The following SMIM14 variants were observed in gnomAD, a reference collection of about 807,000 sequenced individuals.
The protein encoded by SMIM14 is chromosome 4 open reading frame 34.
SMIM14 carries 5 observed loss-of-function variants against 12.6 expected under a neutral mutation model. The observed-to-expected ratio is 0.40, with a 90% CI of 0.21 to 0.83. The LOEUF (loss-of-function observed/expected upper bound fraction) is 0.83, where lower values mean the gene tolerates loss of function less well. SMIM14 is among the 40% of genes least tolerant of loss of function. The pLI is 0.37. For synonymous variants in SMIM14, 30 were observed against 40.1 expected, an observed-to-expected ratio of 0.75 and a Z score of 0.95; for missense variants, 86 against 119.1, an observed-to-expected ratio of 0.72 and a Z score of 1.29.
At chr4:39,604,429 C>T (rs1553865432) in intron 2 of SMIM14, among the ~76,000 whole-genome samples, 2 of 150,514 alleles carry the variant, frequency 1.3e-5, no homozygotes, top group Non-Finnish European at 3.0e-5. Flanking sequence ...CCCAGTTACT[C>T]GGGAGGCTGA....
rs1367147229 is a variant in SMIM14, at chr4:39,546,843, T to G, written c.*5283A>C. ...CCAGAGCAGTGTTACTATTTTTACA[T>G]GTATATGAGTATTCATGACCTTTAA... On this transcript the variant is annotated 3_prime_UTR_variant, in exon 5 of 5. Coordinates refer to ENST00000295958, the MANE Select transcript of SMIM14 (RefSeq NM_174921.3). The G allele has an allele frequency of 1.3e-5, 2 of 152,260 alleles. No homozygotes were observed. Among genetic ancestry groups the G allele is most frequent in the Admixed American group, 6.5e-5 (1 of 15,286 alleles). The allele number at this position is 152,260 out of a possible 1,614,324, so 9.4% of individuals were successfully genotyped here. A position where few individuals can be genotyped will look rare whatever the true frequency, so the allele number is the denominator to read the frequency against.
At position 39,603,467 on chromosome 4, in the gene SMIM14, G is replaced by A. The variant is rs1299306173; in HGVS notation, c.75+1604C>T. On this transcript the variant is annotated intron_variant, in intron 2 of 4. Coordinates refer to ENST00000295958, the MANE Select transcript of SMIM14 (RefSeq NM_174921.3). Reference sequence around the variant, plus strand: ...CCAGCCACTTGGGAGGCTGAGGCAGGAGAATGGCGTGAACCTGGGAGGCGG... The same window carrying A: ...CCAGCCACTTGGGAGGCTGAGGCAGAAGAATGGCGTGAACCTGGGAGGCGG... 2.0e-5 allele frequency among the ~76,000 whole-genome samples: 3 copies of A among 152,240 alleles called. No homozygotes were observed. The South Asian group carries it at 6.2e-4, about 32-fold the overall frequency.
intron 2 of SMIM14, among the ~76,000 whole-genome samples, chr4:39,586,287 C>A (rs1713779884): frequency 6.6e-6 from 1 of 151,952 alleles, no homozygotes; most frequent in Non-Finnish European, 1.5e-5. Context: ...TATAAACAAT[C>A]AGGAGGAACC....
intron 3 of SMIM14, among the ~76,000 whole-genome samples, chr4:39,556,950 A>C (rs1330996206): frequency 1.3e-5 from 2 of 150,932 alleles, no homozygotes; most frequent in Non-Finnish European, 2.9e-5. Context: ...ACCATGCCCC[A>C]TGCACCTAAT....
chr4:39,602,855 A>G (rs1714668917), intron 2 of SMIM14, among the ~76,000 whole-genome samples: 2 of 152,234 alleles, frequency 1.3e-5, no homozygotes, highest in Non-Finnish European at 2.9e-5. Context: ...CACTATATGT[A>G]GCAACACTAA....
chr4:39,599,031 T>C (rs907952716), intron 2 of SMIM14, among the ~76,000 whole-genome samples: 3 of 152,188 alleles, frequency 2.0e-5, no homozygotes, highest in Non-Finnish European at 4.4e-5. Flanking sequence ...CGGTGAAAAA[T>C]AGCTCATCCT....
chr4:39,548,089 G>A lies in SMIM14; in HGVS notation c.*4037C>T, dbSNP rs1375087647. 2 of 151,954 alleles carry A rather than the reference G, an allele frequency of 1.3e-5. No individual in the cohort carries two copies. Among genetic ancestry groups the A allele is most frequent in the Non-Finnish European group, 2.9e-5 (2 of 68,066 alleles). The allele number at this position is 151,954 out of a possible 1,614,324, so 9.4% of individuals were successfully genotyped here. A position where few individuals can be genotyped will look rare whatever the true frequency, so the allele number is the denominator to read the frequency against. On this transcript the variant is annotated 3_prime_UTR_variant, in exon 5 of 5. Coordinates refer to ENST00000295958, the MANE Select transcript of SMIM14 (RefSeq NM_174921.3). ...CCAGGCTACTTTTGTATTTTTAGTG[G>A]AGATGGAGTTTTTCCATGTTGGCCA...
chr4:39,604,495 C>T (rs1560301196), intron 2 of SMIM14, among the ~76,000 whole-genome samples: 1 of 151,944 alleles, frequency 6.6e-6, no homozygotes, highest in Admixed American at 6.6e-5. Flanking sequence ...CGAGATAGCA[C>T]CACTACACTC....
intron 3 of SMIM14, among the ~76,000 whole-genome samples, chr4:39,568,700 T>C (rs1340307808): frequency 2.0e-5 from 3 of 152,204 alleles, no homozygotes; most frequent in African/African-American, 7.2e-5. Flanking sequence ...TGAATAGTAG[T>C]ATCTAAATAT....
intron 1 of SMIM14, among the ~76,000 whole-genome samples, chr4:39,632,689 G>A (rs1157942037): frequency 6.6e-6 from 1 of 150,724 alleles, no homozygotes; most frequent in African/African-American, 2.4e-5. Context: ...GAGGTGGGTT[G>A]GTAGCTTGAG....
chr4:39,597,597 C>G (rs879690767), intron 2 of SMIM14, among the ~76,000 whole-genome samples: 1 of 151,944 alleles, frequency 6.6e-6, no homozygotes, highest in Non-Finnish European at 1.5e-5. Context: ...GCACCTGCCA[C>G]CACACCCAGC....
At chr4:39,608,085 T>C (rs1168135624) in intron 1 of SMIM14, among the ~76,000 whole-genome samples, 1 of 152,138 alleles carries the variant, frequency 6.6e-6, no homozygotes. Flanking sequence ...GTGGCTGCTG[T>C]GGAAAATAGT....
At chr4:39,578,733 C>T (rs1489849548) in intron 2 of SMIM14, among the ~76,000 whole-genome samples, 2 of 152,042 alleles carry the variant, frequency 1.3e-5, no homozygotes, top group African/African-American at 2.4e-5. Flanking sequence ...CGGTGACTCA[C>T]GCTTGTAATC....
At chr4:39,578,569 T>G (rs560304532) in intron 2 of SMIM14, among the ~76,000 whole-genome samples, 10 of 152,302 alleles carry the variant, frequency 6.6e-5, no homozygotes, top group Non-Finnish European at 1.0e-4. Flanking sequence ...GTGGACAGTT[T>G]ACTGACAGTA....
At chr4:39,576,658 G>A (rs1235091625) in intron 2 of SMIM14, among the ~76,000 whole-genome samples, 1 of 40,420 alleles carries the variant, frequency 2.5e-5, no homozygotes, top group Non-Finnish European at 4.6e-5. Flanking sequence ...GTGTGTGTAT[G>A]TGTATATATA....
chr4:39,635,421 T>A (rs1465655641), intron 1 of SMIM14, among the ~76,000 whole-genome samples: 1 of 152,134 alleles, frequency 6.6e-6, no homozygotes, highest in Non-Finnish European at 1.5e-5. Context: ...GTAATTTACA[T>A]TTTAAAGGAT....
chr4:39,574,705 A>G (rs981829411), intron 2 of SMIM14, among the ~76,000 whole-genome samples: 2 of 152,354 alleles, frequency 1.3e-5, no homozygotes, highest in African/African-American at 4.8e-5. Flanking sequence ...GACTCAAGAA[A>G]TGTTAGCTTT....
In SMIM14 at chr4:39,628,731, TTTTTC is replaced by T. The variant is rs1715796307; in HGVS notation, c.-36+10003_-36+10007del. On this transcript the variant is annotated intron_variant, in intron 1 of 4. Transcript: ENST00000295958. ...AGGAAAATGTTTTTCTTTTTTTTTT[TTTTTC>T]TTTTTTCTTTTTTTGAGCCGGAGTC... Among the ~76,000 whole-genome samples the T allele has an allele frequency of 3.3e-5, 5 of 149,890 alleles. No individual in the cohort carries two copies. The South Asian group carries it at 1.1e-3, about 32-fold the overall frequency.
At chr4:39,633,633 C>A (rs574361559) in intron 1 of SMIM14, among the ~76,000 whole-genome samples, 2 of 152,210 alleles carry the variant, frequency 1.3e-5, no homozygotes, top group South Asian at 4.1e-4. Flanking sequence ...TAGTATGGAC[C>A]TGTGGTCCTA....
Sources: allele counts gnomAD v4.1 joint callset (sites outside exome capture counted in the v4.1 genomes callset), GRCh38; gene constraint gnomAD v4.1.1; transcripts MANE v1.5; gene names NCBI Gene and HGNC (gene_info 2026-07-23, HGNC 2026-07-21).